Variants in RGS3 observed in about 807,000 individuals in gnomAD.
RGS3 encodes regulator of G protein signaling 3.
A neutral mutation model predicts 132.6 loss-of-function variants in RGS3; 80 were observed. That is an observed-to-expected ratio of 0.60 (90% CI 0.50 to 0.73). The LOEUF is 0.73. RGS3 is among the 30% of genes least tolerant of loss of function. The pLI, the probability that RGS3 is intolerant of heterozygous loss-of-function variation, is 0.00. For missense variants in RGS3, 1,382 were observed against 1,530.8 expected (o/e 0.90, Z 1.62); for synonymous variants, 598 against 620.6 (o/e 0.96, Z 0.54).
chr9:113,525,830 G>T (rs1208127034), intron 17 of RGS3, among the ~76,000 whole-genome samples: 2 of 152,200 alleles, frequency 1.3e-5, no homozygotes, highest in African/African-American at 2.4e-5. Context: ...CCTAATCAAT[G>T]TTTGTTGTGT....
intron 19 of RGS3, among the ~76,000 whole-genome samples, chr9:113,548,929 C>T (rs2118728345): frequency 6.6e-6 from 1 of 152,314 alleles, no homozygotes; most frequent in East Asian, 1.9e-4. Flanking sequence ...CCCCAGCTGG[C>T]CCACCCTGAG....
At chr9:113,562,577 T>C (rs1301248290) in intron 19 of RGS3, among the ~76,000 whole-genome samples, 1 of 152,104 alleles carries the variant, frequency 6.6e-6, no homozygotes, top group South Asian at 2.1e-4. Context: ...AGCAGTGCTG[T>C]CATGTGTCAG....
intron 16 of RGS3, among the ~76,000 whole-genome samples, chr9:113,522,027 G>A (rs1173408399): frequency 6.6e-6 from 1 of 152,182 alleles, no homozygotes; most frequent in Non-Finnish European, 1.5e-5. Flanking sequence ...TGCAGGATTT[G>A]CAAAACAAAG....
At chr9:113,467,662 T>C (rs1435834798) in intron 3 of RGS3, among the ~76,000 whole-genome samples, 1 of 152,204 alleles carries the variant, frequency 6.6e-6, no homozygotes. Flanking sequence ...AAATATTTTC[T>C]CTCTATCTGT....
intron 19 of RGS3, among the ~76,000 whole-genome samples, chr9:113,575,848 C>T (rs957950950): frequency 7.2e-5 from 11 of 152,200 alleles, no homozygotes; most frequent in African/African-American, 2.7e-4. Context: ...CTAAAGTGTA[C>T]TTCTCCGTTA....
intron 19 of RGS3, among the ~76,000 whole-genome samples, chr9:113,559,859 A>G (rs1372055501): frequency 6.6e-6 from 1 of 152,244 alleles, no homozygotes; most frequent in Non-Finnish European, 1.5e-5. Flanking sequence ...TACCATTTAC[A>G]TTAACCTTCT....
chr9:113,463,714 C>G lies in RGS3; in HGVS notation c.415+1513C>G. On this transcript the variant is annotated intron_variant, in intron 3 of 24. Transcript: ENST00000350696. This position sits in a 1 kb window ranked among gnomAD's most constrained non-coding sequence, Gnocchi z 4.6. The stretch of plus-strand genomic sequence containing the variant: ...GGGGCAGCCCTACCTCCCGCTCGCG[C>G]TCCTCCCGCCCTGGAGACTCCGGTT... The G allele has an allele frequency of 6.9e-7, 1 of 1,459,770 alleles. No individual in the cohort carries two copies. Among genetic ancestry groups the G allele is most frequent in the East Asian group, 2.6e-5 (1 of 37,934 alleles). The allele number at this position is 1,459,770 out of a possible 1,614,324, so 90.4% of individuals were successfully genotyped here. A position where few individuals can be genotyped will look rare whatever the true frequency, so the allele number is the denominator to read the frequency against.
chr9:113,551,334 G>A (rs959746619), intron 19 of RGS3, among the ~76,000 whole-genome samples: 7 of 152,278 alleles, frequency 4.6e-5, no homozygotes, highest in African/African-American at 1.7e-4. Flanking sequence ...ATAATATTCT[G>A]TTGTATGGAA....
chr9:113,574,847 G>C (rs890888240), intron 19 of RGS3, among the ~76,000 whole-genome samples: 7 of 152,198 alleles, frequency 4.6e-5, no homozygotes, highest in Non-Finnish European at 1.0e-4. Flanking sequence ...AGAGCCCCAG[G>C]GGGCCTGGAG....
exon 20 of RGS3, chr9:113,583,769 A>G (rs761077338): frequency 6.2e-7 from 1 of 1,614,120 alleles, no homozygotes; most frequent in South Asian, 1.1e-5. Context: ...CCTGCTGGTC[A>G]AGAACCCCTG....
intron 19 of RGS3, among the ~76,000 whole-genome samples, chr9:113,571,800 A>G (rs1262368843): frequency 2.0e-5 from 3 of 152,220 alleles, no homozygotes; most frequent in African/African-American, 7.2e-5. Flanking sequence ...AAGGTTATGG[A>G]CATATACTTT....
chr9:113,558,288 G>A (rs1176871264), intron 19 of RGS3, among the ~76,000 whole-genome samples: 1 of 152,222 alleles, frequency 6.6e-6, no homozygotes, highest in East Asian at 1.9e-4. Context: ...GATCACTTGA[G>A]GTCAGGAGTT....
At chr9:113,526,376 C>T (rs140741204) in intron 17 of RGS3, among the ~76,000 whole-genome samples, 3,728 of 152,254 alleles carry the variant, frequency 0.024, 66 homozygotes, top group Admixed American at 0.037. Flanking sequence ...GGAAGGGACA[C>T]GTTGCCACCT....
chr9:113,517,356 GTC>G, intron 15 of RGS3, 183 bp from the exon 14 acceptor site: 2 of 692,646 alleles, frequency 2.9e-6, no homozygotes, highest in Non-Finnish European at 5.3e-6. Context: ...GGACAGCAGC[GTC>G]TCTCTTTCTG....
intron 19 of RGS3, among the ~76,000 whole-genome samples, chr9:113,568,938 C>T (rs1179209094): frequency 2.0e-5 from 3 of 152,224 alleles, no homozygotes. Context: ...GAGATCAGAG[C>T]TTCCGGGCAC....
chr9:113,558,512 A>G (rs895206052), intron 19 of RGS3, among the ~76,000 whole-genome samples: 1 of 152,124 alleles, frequency 6.6e-6, no homozygotes, highest in African/African-American at 2.4e-5. Context: ...CTAAAGAAAA[A>G]AAAAAGTCTA....
Position 113,522,913 on chromosome 9 carries a change from G to C in RGS3, c.1759-17G>C. 1 of 1,555,376 alleles carries C rather than the reference G, an allele frequency of 6.4e-7. No individual in the cohort carries two copies. Among genetic ancestry groups the C allele is most frequent in the South Asian group, 1.1e-5 (1 of 89,998 alleles). On this transcript the variant is annotated splice_polypyrimidine_tract_variant and intron_variant, in intron 16 of 24. Coordinates refer to ENST00000350696, the Ensembl canonical transcript of RGS3. Reference sequence around the variant, plus strand: ...GACAGCAAAGTAGCCAGTTCTGTTTGCTCTCTGTCAACCCAGGTGACACTG... The same window carrying C: ...GACAGCAAAGTAGCCAGTTCTGTTTCCTCTCTGTCAACCCAGGTGACACTG...
rs544644159 is a variant in RGS3 at position 113,546,855 on chromosome 9, G to A, written c.2037+9937G>A. On this transcript the variant is annotated intron_variant, in intron 19 of 24. Transcript: ENST00000350696. ...CCCCTTGCTTACAGAGAAAACCAGCGAGTGATTCTGAAAATCTTGCCTCGA... is the reference window on the plus strand; with the variant it reads ...CCCCTTGCTTACAGAGAAAACCAGCAAGTGATTCTGAAAATCTTGCCTCGA... 7.9e-5 allele frequency among the ~76,000 whole-genome samples: 12 copies of A among 152,284 alleles called. No individual in the cohort carries two copies. In the East Asian group the frequency reaches 2.1e-3, roughly 27 times the overall value.
At chr9:113,452,533 T>G (rs1829267519) in intron 1 of RGS3, among the ~76,000 whole-genome samples, 1 of 151,996 alleles carries the variant, frequency 6.6e-6, no homozygotes, top group Non-Finnish European at 1.5e-5. Context: ...TTCATTGACC[T>G]TCTTGGATTT....
Sources: gnomAD v4.1 joint callset for allele counts (sites outside exome capture counted in the v4.1 genomes callset) on GRCh38, gnomAD v4.1.1 for gene constraint, Gnocchi (gnomAD v3.1) non-coding constraint, MANE v1.5 for transcripts, NCBI Gene and HGNC (gene_info 2026-07-23, HGNC 2026-07-21) for gene names.